Variants in PALD1 observed in about 807,000 individuals in gnomAD.
PALD1 encodes the protein paladin.
PALD1 carries 57 observed loss-of-function variants against 96.0 expected under a neutral mutation model. The observed-to-expected ratio is 0.59, with a 90% confidence interval of 0.48 to 0.74. PALD1 has a LOEUF of 0.74. Among genes scored for constraint, PALD1 ranks in the 30% least tolerant of loss-of-function variants. The probability of loss-of-function intolerance (pLI) is 0.00; values close to 1 mark genes in which losing one functional copy is unlikely to be tolerated. For synonymous variants in PALD1, 464 were observed against 473.6 expected (o/e 0.98, Z 0.26); for missense variants, 1,063 against 1,143.7 (o/e 0.93, Z 1.02).
At chr10:70,531,833 A>G (rs570166408) in intron 5 of PALD1, among the ~76,000 whole-genome samples, 1 of 152,134 alleles carries the variant, frequency 6.6e-6, no homozygotes, top group South Asian at 2.1e-4. Context: ...AATACAAAAA[A>G]TTAGCTGGAC....
At position 70,526,010 on chromosome 10, in the gene PALD1, G is replaced by A; in HGVS notation, c.59G>A (p.Gly20Asp). 13 of 1,614,162 alleles carry A rather than the reference G, an allele frequency of 8.1e-6. No homozygotes were observed. The highest frequency in any genetic ancestry group is 1.0e-5 in the Non-Finnish European group (12 of 1,180,024). ...QTVSAGTPFE[G>D]LQGSGTMDSR... ...GTCTCGGCAGGCACCCCATTTGAGGGCCTACAGGGCAGTGGCACGATGGAC... is the reference window on the plus strand; with the variant it reads ...GTCTCGGCAGGCACCCCATTTGAGGACCTACAGGGCAGTGGCACGATGGAC... The change falls in exon 2 of 20, where the codon GGC becomes GAC. Residue 20 changes from glycine to aspartate, a missense_variant. Coordinates refer to ENST00000263563, the MANE Select transcript of PALD1 (RefSeq NM_014431.3).
chr10:70,537,616 A>C (rs959452906), intron 10 of PALD1, among the ~76,000 whole-genome samples, 195 bp from the exon 11 acceptor site: 1 of 152,214 alleles, frequency 6.6e-6, no homozygotes, highest in African/African-American at 2.4e-5. Flanking sequence ...ATCTCCCCTG[A>C]CCGCAGATAA....
At chr10:70,487,130 ATTTTTTT>A (rs10669002) in intron 1 of PALD1, among the ~76,000 whole-genome samples, 3 of 110,398 alleles carry the variant, frequency 2.7e-5, no homozygotes, top group African/African-American at 1.0e-4. Context: ...TCTGAGCCCA[ATTTTTTT>A]TTTTTTTTTT....
intron 1 of PALD1, among the ~76,000 whole-genome samples, chr10:70,491,810 A>G (rs1389164374): frequency 2.0e-5 from 3 of 152,042 alleles, no homozygotes; most frequent in African/African-American, 7.2e-5. Flanking sequence ...GGATTTACCT[A>G]TTTTGGATAG....
In PALD1 at chr10:70,493,235, A is replaced by G. The variant is rs554308982; in HGVS notation, c.-30+14176A>G. ...CCTGGGCTCAAGTGATCTTCCCGCCACAGCCTCTCAAAATGTTGGAATTAC... is the reference window on the plus strand; with the variant it reads ...CCTGGGCTCAAGTGATCTTCCCGCCGCAGCCTCTCAAAATGTTGGAATTAC... On this transcript the variant is annotated intron_variant, in intron 1 of 19. Coordinates refer to ENST00000263563, the MANE Select transcript of PALD1 (RefSeq NM_014431.3). 5.3e-5 allele frequency among the ~76,000 whole-genome samples: 8 copies of G among 152,310 alleles called. No individual in the cohort carries two copies. The South Asian group carries it at 1.7e-3, about 32-fold the overall frequency.
In PALD1 at chr10:70,539,622, C is replaced by G; in HGVS notation, c.1768C>G (p.Pro590Ala). 1 of 1,612,936 alleles carries G rather than the reference C, an allele frequency of 6.2e-7. No homozygotes were observed. The highest frequency in any genetic ancestry group is 8.5e-7 in the Non-Finnish European group (1 of 1,179,474). The change falls in exon 15 of 20, where the codon CCA (proline) becomes GCA (alanine). Residue 590 changes from proline to alanine, a missense_variant. By Grantham distance (27) the Pro-to-Ala change is conservative. Transcript: ENST00000263563. The surrounding 1 kb of genome is among the most constrained non-coding windows in gnomAD (Gnocchi z 4.5). ...QLKAHLSEPP[P>A]GKEGPLTYRF... ...GAAGGCCCATCTAAGCGAGCCTCCC[C>G]CAGGCAAGGAGGGCCCCCTGACCTA...
chr10:70,473,313 C>T, the PALD1 span, among the ~76,000 whole-genome samples: 7 of 152,140 alleles, frequency 4.6e-5, no homozygotes, highest in Non-Finnish European at 1.0e-4. Context: ...ACCTCGAGGG[C>T]AGGGCAGGGT....
At chr10:70,514,721 G>A (rs1846586297) in intron 1 of PALD1, among the ~76,000 whole-genome samples, 1 of 152,158 alleles carries the variant, frequency 6.6e-6, no homozygotes, top group African/African-American at 2.4e-5. Flanking sequence ...CTACCAGACT[G>A]TACAAGTGGA....
the PALD1 span, among the ~76,000 whole-genome samples, chr10:70,461,933 C>T: frequency 6.6e-5 from 10 of 152,188 alleles, no homozygotes; most frequent in African/African-American, 9.7e-5. Flanking sequence ...GCTGGGACTA[C>T]AGGCATGTGC....
In PALD1 at chr10:70,529,227, A is replaced by C. The variant is rs868833200; in HGVS notation, c.186-2A>C. 1.1e-4 allele frequency: 18 copies of C among 171,394 alleles called. No homozygotes were observed. Among genetic ancestry groups the C allele is most frequent in the South Asian group, 2.2e-4 (6 of 27,398 alleles). 10.6% of individuals were successfully genotyped at this position (171,394 alleles called of 1,614,324 possible). A position where few individuals can be genotyped will look rare whatever the true frequency, so the allele number is the denominator to read the frequency against. On this transcript the variant is annotated splice_acceptor_variant, in intron 2 of 19. Coordinates refer to ENST00000263563, the MANE Select transcript of PALD1 (RefSeq NM_014431.3). LOFTEE classifies it high-confidence loss of function. Reference sequence around the variant, plus strand: ...CATTCTGCCCCCCCCCCCCCCCCCCAGGTACAACTGCAAGGAGGAGTTCCA... The same window carrying C: ...CATTCTGCCCCCCCCCCCCCCCCCCCGGTACAACTGCAAGGAGGAGTTCCA...
chr10:70,508,091 G>A (rs1846429477), intron 1 of PALD1, among the ~76,000 whole-genome samples: 1 of 152,192 alleles, frequency 6.6e-6, no homozygotes, highest in Non-Finnish European at 1.5e-5. Flanking sequence ...TGGGGGGCTG[G>A]TGTGTGGCCC....
chr10:70,518,551 A>G (rs1846661006), intron 1 of PALD1, among the ~76,000 whole-genome samples: 1 of 152,234 alleles, frequency 6.6e-6, no homozygotes, highest in African/African-American at 2.4e-5. Flanking sequence ...CCCTGATGAC[A>G]TGATCCCGAA....
chr10:70,473,748 C>T, the PALD1 span, among the ~76,000 whole-genome samples: 5 of 152,126 alleles, frequency 3.3e-5, no homozygotes, highest in Admixed American at 6.5e-5. Context: ...CAGTTTCAAG[C>T]GATGCTCGTG....
intron 1 of PALD1, among the ~76,000 whole-genome samples, chr10:70,493,598 C>T (rs1333276805): frequency 2.0e-5 from 3 of 152,236 alleles, no homozygotes; most frequent in African/African-American, 7.2e-5. Context: ...GTCCTCACTG[C>T]ACACCCACTT....
chr10:70,496,649 C>A (rs1220148306), intron 1 of PALD1, among the ~76,000 whole-genome samples: 2 of 152,140 alleles, frequency 1.3e-5, no homozygotes, highest in African/African-American at 4.8e-5. Context: ...TTTGTTAATT[C>A]TTTTTCTTAT....
At chr10:70,480,369 A>T (rs1050393793) in intron 1 of PALD1, among the ~76,000 whole-genome samples, 52 of 152,246 alleles carry the variant, frequency 3.4e-4, no homozygotes, top group African/African-American at 1.2e-3. Context: ...TCCTTTCTGA[A>T]GAGCCTCTGT....
Position 70,567,044 on chromosome 10 carries a change from G to A in PALD1, c.*311G>A. 1 of 303,290 alleles carries A rather than the reference G, an allele frequency of 3.3e-6. No homozygotes were observed. The highest frequency in any genetic ancestry group is 6.0e-6 in the Non-Finnish European group (1 of 165,422). The allele number at this position is 303,290 out of a possible 1,614,324, so 18.8% of individuals were successfully genotyped here. On this transcript the variant is annotated 3_prime_UTR_variant, in exon 20 of 20. Transcript: ENST00000263563. ...CAGGCCGGCGTTCAGCCTCCAAGGG[G>A]CTCACTCCCCCAGTTGCCAAACACT...
chr10:70,535,342 CTTCTTTT>C (rs1847088119), intron 10 of PALD1, among the ~76,000 whole-genome samples: 1 of 152,204 alleles, frequency 6.6e-6, no homozygotes, highest in South Asian at 2.1e-4. Flanking sequence ...GAGGCAGCTT[CTTCTTTT>C]TTCTTGTTTC....
chr10:70,561,784 G>C (rs1450106913), intron 18 of PALD1, among the ~76,000 whole-genome samples: 1 of 152,046 alleles, frequency 6.6e-6, no homozygotes, highest in Non-Finnish European at 1.5e-5. Flanking sequence ...GGGGTTCCCT[G>C]GGGACTCACC....
Sources: allele counts gnomAD v4.1 joint callset (sites outside exome capture counted in the v4.1 genomes callset), GRCh38; gene constraint gnomAD v4.1.1; non-coding constraint Gnocchi (gnomAD v3.1); transcripts MANE v1.5; gene names NCBI Gene and HGNC (gene_info 2026-07-23, HGNC 2026-07-21).